CNTN4: variants seen among roughly 807,000 people sequenced by gnomAD.
CNTN4 encodes contactin-4.
A neutral mutation model predicts 122.5 loss-of-function variants in CNTN4; 77 were observed. The observed-to-expected ratio is 0.63, with a 90% confidence interval of 0.52 to 0.76. The LOEUF (loss-of-function observed/expected upper bound fraction) is 0.76, where lower values mean the gene tolerates loss of function less well. Ranked by LOEUF, CNTN4 falls within the 30% of genes least tolerant of loss-of-function variation. The pLI is 0.00. For synonymous variants in CNTN4, 512 were observed against 447.0 expected (o/e 1.15, Z -1.83); for missense variants, 1,256 against 1,259.1 (o/e 1.00, Z 0.04).
chr3:2,933,415 T>TA lies in CNTN4; in HGVS notation c.1358+7637dup, dbSNP rs557758287. ...TTGTGACGCAGGCCATCTGGGGAGA[T>TA]ACGTGGCCTTCTGTCATTGTGGGAA... On this transcript the variant is annotated intron_variant, in intron 13 of 24. Coordinates refer to ENST00000418658, the MANE Select transcript of CNTN4 (RefSeq NM_175607.3). Among the ~76,000 whole-genome samples the TA allele has an allele frequency of 1.7e-3, 263 of 152,218 alleles. 4 individuals carry two copies. Among genetic ancestry groups the TA allele is most frequent in the Admixed American group, 3.1e-3 (48 of 15,278 alleles).
Position 3,034,760 on chromosome 3 carries a change from T to A in CNTN4, c.1912T>A (p.Phe638Ile), listed in dbSNP as rs1699455647. The A allele has an allele frequency of 6.2e-7, 1 of 1,614,076 alleles. No homozygotes were observed. Among genetic ancestry groups the A allele is most frequent in the East Asian group, 2.2e-5 (1 of 44,864 alleles). Residue 638 changes from phenylalanine (F) to isoleucine (I), a missense_variant, in exon 17 of 25, where the codon TTC becomes ATC. By Grantham distance (21) the Phe-to-Ile change is conservative (BLOSUM62 0). Coordinates refer to ENST00000418658, the MANE Select transcript of CNTN4 (RefSeq NM_175607.3). ...GTATGTCATTCAAGCCAGGACTCCATTCTCCGTGGGCTGGCAAGCAGTCAG... is the reference window on the plus strand; with the variant it reads ...GTATGTCATTCAAGCCAGGACTCCAATCTCCGTGGGCTGGCAAGCAGTCAG... ...TMYVIQARTP[F>I]SVGWQAVSTV...
intron 4 of CNTN4, among the ~76,000 whole-genome samples, chr3:2,610,146 C>A (rs2081419681): frequency 6.6e-6 from 1 of 151,630 alleles, no homozygotes; most frequent in Non-Finnish European, 1.5e-5. Flanking sequence ...CTATCACTCC[C>A]ACTCTATTTT....
At chr3:2,710,044 G>A (rs1228065559) in intron 4 of CNTN4, among the ~76,000 whole-genome samples, 1 of 152,172 alleles carries the variant, frequency 6.6e-6, no homozygotes, top group Non-Finnish European at 1.5e-5. Flanking sequence ...AAAAGGCACT[G>A]ATTAAAAAGT....
intron 3 of CNTN4, among the ~76,000 whole-genome samples, chr3:2,374,877 A>C (rs1022673362): frequency 6.6e-6 from 1 of 152,214 alleles, no homozygotes; most frequent in Non-Finnish European, 1.5e-5. Flanking sequence ...AATAGTGATC[A>C]AATAAATGAG....
At chr3:2,140,380 A>G (rs2034934241) in intron 2 of CNTN4, among the ~76,000 whole-genome samples, 1 of 152,196 alleles carries the variant, frequency 6.6e-6, no homozygotes, top group Non-Finnish European at 1.5e-5. Context: ...TCAGGCTGCT[A>G]TAACAAGTTA....
At position 2,497,509 on chromosome 3, in the gene CNTN4, G is replaced by A. The variant is rs181923930; in HGVS notation, c.-88-73907G>A. Among the ~76,000 whole-genome samples, 469 of 152,238 alleles carry A rather than the reference G, an allele frequency of 3.1e-3. 2 individuals carry two copies. Among genetic ancestry groups the A allele is most frequent in the African/African-American group, 0.011 (451 of 41,548 alleles). On this transcript the variant is annotated intron_variant, in intron 3 of 24. Transcript: ENST00000418658. ...ATTTAATGTCCTGTGCTCATGAGTG[G>A]CAACCTAGGGAGACCTAAGCGATCT...
intron 6 of CNTN4, among the ~76,000 whole-genome samples, chr3:2,810,378 T>C (rs1027592548): frequency 2.0e-5 from 3 of 152,176 alleles, no homozygotes; most frequent in African/African-American, 7.2e-5. Context: ...TAACATGTAA[T>C]ATTGATTATG....
chr3:2,758,460 C>G (rs1393036376), intron 6 of CNTN4, among the ~76,000 whole-genome samples: 5 of 150,750 alleles, frequency 3.3e-5, no homozygotes, highest in Non-Finnish European at 7.4e-5. Flanking sequence ...TAGTCTTTCT[C>G]ATTCACCTAG....
chr3:2,795,509 C>A (rs1455889768), intron 6 of CNTN4, among the ~76,000 whole-genome samples: 1 of 148,090 alleles, frequency 6.8e-6, no homozygotes, highest in Non-Finnish European at 1.5e-5. Context: ...ATTAGAGTAA[C>A]AAATGGGTAT....
chr3:2,368,399 A>G (rs1416377792), intron 3 of CNTN4, among the ~76,000 whole-genome samples: 5 of 152,062 alleles, frequency 3.3e-5, no homozygotes, highest in Non-Finnish European at 5.9e-5. Context: ...GTCTGAGTTT[A>G]TATGTGGCTG....
chr3:2,347,259 C>G (rs1400082156), intron 3 of CNTN4, among the ~76,000 whole-genome samples: 1 of 152,128 alleles, frequency 6.6e-6, no homozygotes, highest in Non-Finnish European at 1.5e-5. Flanking sequence ...GAGGCACCAT[C>G]TGGGAATGTG....
intron 4 of CNTN4, among the ~76,000 whole-genome samples, chr3:2,637,922 T>G (rs538621025): frequency 6.6e-6 from 1 of 152,318 alleles, no homozygotes; most frequent in South Asian, 2.1e-4. Context: ...AAAGCCAGAA[T>G]TTGGAACCCA....
chr3:2,111,605 A>T (rs1190793767), intron 2 of CNTN4, among the ~76,000 whole-genome samples: 1 of 152,156 alleles, frequency 6.6e-6, no homozygotes, highest in African/African-American at 2.4e-5. Flanking sequence ...TGACTCAGTG[A>T]TTCATATCCT....
intron 6 of CNTN4, among the ~76,000 whole-genome samples, chr3:2,747,791 T>C (rs1437304486): frequency 2.0e-5 from 3 of 152,230 alleles, no homozygotes; most frequent in Admixed American, 6.5e-5. Flanking sequence ...AAAATTCTAG[T>C]GACAGAAAGT....
intron 3 of CNTN4, chr3:2,362,573 A>G (rs776705205): frequency 1.2e-5 from 7 of 571,068 alleles, no homozygotes; most frequent in Non-Finnish European, 2.0e-5. Context: ...GAAGAAGAAG[A>G]CAGCAGCTTC....
At chr3:2,363,390 T>C (rs2045242011) in intron 3 of CNTN4, among the ~76,000 whole-genome samples, 1 of 152,212 alleles carries the variant, frequency 6.6e-6, no homozygotes, top group African/African-American at 2.4e-5. Flanking sequence ...TAAAATGCCC[T>C]AGTAGGTTAA....
intron 4 of CNTN4, among the ~76,000 whole-genome samples, chr3:2,587,464 T>G (rs1378105075): frequency 6.6e-6 from 1 of 152,186 alleles, no homozygotes; most frequent in Non-Finnish European, 1.5e-5. Flanking sequence ...GGAGATAAAT[T>G]CTTCCTTATC....
intron 4 of CNTN4, among the ~76,000 whole-genome samples, chr3:2,627,554 C>CT (rs1559321551): frequency 1.1e-4 from 15 of 141,540 alleles, no homozygotes; most frequent in Non-Finnish European, 1.8e-4. Context: ...AGTGTAGTAG[C>CT]GCAATCTCGG....
chr3:2,734,749 C>T (rs901628740), intron 4 of CNTN4, among the ~76,000 whole-genome samples: 2 of 151,318 alleles, frequency 1.3e-5, no homozygotes, highest in Non-Finnish European at 2.9e-5. Context: ...TTTTTCTCAG[C>T]ACTGATGCAC....
Sources: gnomAD v4.1 joint callset for allele counts (sites outside exome capture counted in the v4.1 genomes callset) on GRCh38, gnomAD v4.1.1 for gene constraint, MANE v1.5 for transcripts, NCBI Gene and HGNC (gene_info 2026-07-23, HGNC 2026-07-21) for gene names.